The following COMMD1 variants were observed in gnomAD, a reference collection of about 807,000 sequenced individuals.
COMMD1 encodes the protein copper metabolism domain containing 1.
COMMD1 carries 10 observed loss-of-function variants against 17.2 expected under a neutral mutation model. That is an observed-to-expected ratio of 0.58 (90% CI 0.36 to 0.99). COMMD1 has a LOEUF of 0.99. Among genes scored for constraint, COMMD1 ranks in the 50% least tolerant of loss-of-function variants. The probability of loss-of-function intolerance (pLI) is 0.01; values close to 1 mark genes in which losing one functional copy is unlikely to be tolerated. For synonymous variants in COMMD1, 97 were observed against 91.6 expected (o/e 1.06, Z -0.34); for missense variants, 270 against 231.8 (o/e 1.17, Z -1.07).
chr2:62,110,830 T>G (rs1287594134), intron 2 of COMMD1, among the ~76,000 whole-genome samples: 1 of 152,090 alleles, frequency 6.6e-6, no homozygotes, highest in East Asian at 1.9e-4. Flanking sequence ...CAGATGGAAA[T>G]GTAATAAGAT....
Position 61,954,802 on chromosome 2 carries a change from C to T in COMMD1, c.181-45899C>T, listed in dbSNP as rs148243647. 4.7e-3 allele frequency among the ~76,000 whole-genome samples: 710 copies of T among 152,298 alleles called. 3 individuals carry two copies. Among genetic ancestry groups the T allele is most frequent in the African/African-American group, 0.016 (676 of 41,564 alleles). On this transcript the variant is annotated intron_variant, in intron 1 of 2. Coordinates refer to ENST00000311832, the MANE Select transcript of COMMD1 (RefSeq NM_152516.4). ...GTTAAAGCAATTCTCCTACCTCAGC[C>T]TCCTAAGTAGCTGGGATTACAAGGG...
At chr2:62,006,660 C>T (rs997796018) in intron 2 of COMMD1, among the ~76,000 whole-genome samples, 1 of 152,126 alleles carries the variant, frequency 6.6e-6, no homozygotes, top group African/African-American at 2.4e-5. Flanking sequence ...AAGTGCTTTG[C>T]TTATGAGACT....
intron 1 of COMMD1, among the ~76,000 whole-genome samples, chr2:61,944,827 G>C (rs62149906): frequency 2.4e-4 from 37 of 152,268 alleles, no homozygotes; most frequent in Middle Eastern, 6.8e-3. Context: ...TCATTAGAAG[G>C]CTTCTCTAGA....
chr2:62,105,339 G>T (rs1295764252), intron 2 of COMMD1, among the ~76,000 whole-genome samples: 3 of 151,680 alleles, frequency 2.0e-5, no homozygotes, highest in Admixed American at 2.0e-4. Context: ...TTCATATTTT[G>T]GGTTTCAGAT....
Position 62,093,334 on chromosome 2 carries a change from A to G in COMMD1, c.463-42497A>G, listed in dbSNP as rs150836398. 3.6e-4 allele frequency among the ~76,000 whole-genome samples: 55 copies of G among 152,308 alleles called. No homozygotes were observed. In the East Asian group the frequency reaches 7.9e-3, roughly 22 times the overall value. On this transcript the variant is annotated intron_variant, in intron 2 of 2. Coordinates refer to ENST00000311832, the MANE Select transcript of COMMD1 (RefSeq NM_152516.4). ...TAGGTTTTGGGCATATAGTACATCAAGCGTATACCTTTTGGGCTACCATGG... is the reference window on the plus strand; with the variant it reads ...TAGGTTTTGGGCATATAGTACATCAGGCGTATACCTTTTGGGCTACCATGG...
intron 2 of COMMD1, among the ~76,000 whole-genome samples, chr2:62,058,974 T>G (rs977048776): frequency 6.6e-6 from 1 of 151,904 alleles, no homozygotes; most frequent in South Asian, 2.1e-4. Flanking sequence ...GAGACGGGGT[T>G]TCTCCATGTT....
chr2:62,082,051 C>T (rs1473417597), intron 2 of COMMD1, among the ~76,000 whole-genome samples: 5 of 152,064 alleles, frequency 3.3e-5, no homozygotes, highest in African/African-American at 7.2e-5. Context: ...CTACATTTAT[C>T]GTTGGACCAC....
chr2:61,924,473 CGAG>C (rs1030801372), intron 1 of COMMD1, among the ~76,000 whole-genome samples: 3 of 150,486 alleles, frequency 2.0e-5, no homozygotes, highest in Admixed American at 2.0e-4. Flanking sequence ...AGGATGTTGT[CGAG>C]GAGGGGAGAA....
At chr2:61,976,304 A>T (rs1051753916) in intron 1 of COMMD1, among the ~76,000 whole-genome samples, 1 of 152,152 alleles carries the variant, frequency 6.6e-6, no homozygotes, top group African/African-American at 2.4e-5. Context: ...TACAAAGAAC[A>T]TAAATATAAA....
chr2:62,084,662 A>G (rs1451753943), intron 2 of COMMD1, among the ~76,000 whole-genome samples: 1 of 152,144 alleles, frequency 6.6e-6, no homozygotes, highest in Non-Finnish European at 1.5e-5. Flanking sequence ...AAAATATGTC[A>G]CCATCAGTTG....
At chr2:61,949,810 T>G (rs75010523) in intron 1 of COMMD1, among the ~76,000 whole-genome samples, 2 of 152,160 alleles carry the variant, frequency 1.3e-5, no homozygotes, top group African/African-American at 4.8e-5. Context: ...CCTTATGGAC[T>G]GAGATCTTTT....
intron 2 of COMMD1, among the ~76,000 whole-genome samples, chr2:62,106,308 T>A (rs773400935): frequency 1.1e-4 from 17 of 152,254 alleles, no homozygotes; most frequent in Non-Finnish European, 2.4e-4. Context: ...TTTGCTAATC[T>A]TAAATGGCCA....
chr2:61,909,623 A>G (rs1669855326), intron 1 of COMMD1, among the ~76,000 whole-genome samples: 1 of 152,208 alleles, frequency 6.6e-6, no homozygotes, highest in African/African-American at 2.4e-5. Flanking sequence ...TTATTCTTAT[A>G]ATCTTGCTAA....
chr2:61,949,233 G>T (rs998658769), intron 1 of COMMD1, among the ~76,000 whole-genome samples: 1 of 152,184 alleles, frequency 6.6e-6, no homozygotes, highest in South Asian at 2.1e-4. Context: ...GCAGGGTTTT[G>T]ACAAGGAAGG....
chr2:61,969,934 G>A (rs1255673038), intron 1 of COMMD1, among the ~76,000 whole-genome samples: 2 of 151,802 alleles, frequency 1.3e-5, no homozygotes, highest in South Asian at 2.1e-4. Flanking sequence ...CGATGTAAGT[G>A]GAAAAAGAGT....
chr2:61,932,936 T>A (rs999463389), intron 1 of COMMD1, among the ~76,000 whole-genome samples: 6 of 152,164 alleles, frequency 3.9e-5, no homozygotes, highest in Non-Finnish European at 8.8e-5. Flanking sequence ...AGGGTCAGAG[T>A]GGCAGCTCCT....
exon 1 of COMMD1, chr2:61,888,771 C>G: frequency 2.0e-6 from 1 of 509,360 alleles, no homozygotes; most frequent in Non-Finnish European, 3.5e-6. Context: ...GCCCGGGGCG[C>G]TGTGGGTGAA....
chr2:62,037,029 C>A (rs191550710), intron 2 of COMMD1, among the ~76,000 whole-genome samples: 95 of 152,252 alleles, frequency 6.2e-4, no homozygotes, highest in Non-Finnish European at 1.1e-3. Flanking sequence ...GGTATTATCA[C>A]CTCTCCTTTT....
chr2:61,982,578 C>G (rs1363843336), intron 1 of COMMD1, among the ~76,000 whole-genome samples: 1 of 152,100 alleles, frequency 6.6e-6, no homozygotes, highest in Non-Finnish European at 1.5e-5. Flanking sequence ...AGAGGAAAGT[C>G]TTTTAGTTTT....
Sources: allele counts gnomAD v4.1 joint callset (sites outside exome capture counted in the v4.1 genomes callset), GRCh38; gene constraint gnomAD v4.1.1; transcripts MANE v1.5; gene names NCBI Gene and HGNC (gene_info 2026-07-23, HGNC 2026-07-21).